Variants in TRIM37 observed in about 807,000 individuals in gnomAD.
TRIM37 encodes the protein tripartite motif containing 37.
Under a neutral mutation model 129.8 loss-of-function variants are expected in TRIM37, and 80 were observed. That is an observed-to-expected ratio of 0.62 (90% CI 0.51 to 0.74). The LOEUF is 0.74. Ranked by LOEUF, TRIM37 falls within the 30% of genes least tolerant of loss-of-function variation. The pLI is 0.00. For missense variants in TRIM37, 1,054 were observed against 1,176.5 expected (o/e 0.90, Z 1.52); for synonymous variants, 389 against 387.1 (o/e 1.00, Z -0.06).
At chr17:58,972,316 T>G in the TRIM37 span, 1 of 1,561,344 alleles carries the variant, frequency 6.4e-7, no homozygotes, top group East Asian at 2.3e-5. Context: ...GCTCTAGTTA[T>G]TAGTTTAGAT....
the TRIM37 span, among the ~76,000 whole-genome samples, chr17:58,967,736 C>T: frequency 1.8e-4 from 27 of 150,258 alleles, no homozygotes; most frequent in African/African-American, 5.9e-4. Flanking sequence ...GGTGCTATTT[C>T]GAGTTGTTTA....
downstream of TRIM37, among the ~76,000 whole-genome samples, chr17:58,997,290 G>A (rs537608397): frequency 2.6e-5 from 4 of 152,172 alleles, no homozygotes; most frequent in East Asian, 5.8e-4. Flanking sequence ...TTGCAAACCT[G>A]AAATTATCTC....
chr17:58,993,572 A>C (rs2032666948), downstream of TRIM37, among the ~76,000 whole-genome samples: 1 of 152,234 alleles, frequency 6.6e-6, no homozygotes. Flanking sequence ...AAAAGCAAAA[A>C]CTAAAAGGGC....
chr17:59,101,711 C>T (rs1055336464), intron 2 of TRIM37, among the ~76,000 whole-genome samples: 33 of 138,532 alleles, frequency 2.4e-4, no homozygotes, highest in Middle Eastern at 3.9e-3. Context: ...CACACACACA[C>T]ACACACACAC....
downstream of TRIM37, among the ~76,000 whole-genome samples, chr17:58,994,514 G>C (rs1242670231): frequency 6.6e-6 from 1 of 152,118 alleles, no homozygotes; most frequent in Non-Finnish European, 1.5e-5. Flanking sequence ...TTGAGCCTAA[G>C]ACTTCATAGC....
chr17:59,016,793 A>G (rs776558571), intron 20 of TRIM37, among the ~76,000 whole-genome samples: 1 of 151,974 alleles, frequency 6.6e-6, no homozygotes. Context: ...CAGGAAAACA[A>G]CAAAAATAAA....
intron 17 of TRIM37, among the ~76,000 whole-genome samples, chr17:59,036,757 C>T (rs2038563768): frequency 2.0e-5 from 3 of 152,006 alleles, no homozygotes; most frequent in Non-Finnish European, 4.4e-5. Flanking sequence ...CCCTTTTTAA[C>T]GCATAACTTA....
chr17:59,042,440 AAAAAAAAAAATATATATATAT>A lies in TRIM37; in HGVS notation c.1668-563_1668-543del, dbSNP rs1166210553. On this transcript the variant is annotated intron_variant, in intron 16 of 23. Coordinates refer to ENST00000262294, the MANE Select transcript of TRIM37 (RefSeq NM_015294.6). ...AAGAAAAAAAGGAATTTAAAAAAAAAAAAAAAAAAATATATATATATATATATATATATATCTCAAGGCCGG... is the reference window on the plus strand; with the variant it reads ...AAGAAAAAAAGGAATTTAAAAAAAAAATATATATATATATCTCAAGGCCGG... Among the ~76,000 whole-genome samples, 55 of 65,428 alleles carry A rather than the reference AAAAAAAAAAATATATATATAT, an allele frequency of 8.4e-4. 2 individuals are homozygous for A. Among genetic ancestry groups the A allele is most frequent in the African/African-American group, 3.3e-3 (55 of 16,920 alleles). The allele number at this position is 65,428 out of a possible 152,430, so 42.9% of individuals were successfully genotyped here. A position where few individuals can be genotyped will look rare whatever the true frequency, so the allele number is the denominator to read the frequency against.
At chr17:59,015,120 GTA>G (rs2035758587) in intron 21 of TRIM37, among the ~76,000 whole-genome samples, 1 of 134,066 alleles carries the variant, frequency 7.5e-6, no homozygotes, top group African/African-American at 2.8e-5. Flanking sequence ...AAAAAAAAAA[GTA>G]AAATCTCTGA....
downstream of TRIM37, among the ~76,000 whole-genome samples, chr17:58,978,493 C>T (rs1021905980): frequency 2.6e-5 from 4 of 152,048 alleles, no homozygotes; most frequent in African/African-American, 9.7e-5. Context: ...GGCAGATTAT[C>T]AGAGGTCAGG....
chr17:59,005,983 T>G (rs2034435512), intron 22 of TRIM37, among the ~76,000 whole-genome samples: 1 of 152,212 alleles, frequency 6.6e-6, no homozygotes, highest in Admixed American at 6.5e-5. Context: ...CAGTTTTTAC[T>G]TTCAACTTGC....
intron 21 of TRIM37, 98 bp from the exon 22 acceptor site, chr17:59,012,544 C>T (rs1430604646): frequency 9.7e-6 from 8 of 827,098 alleles, no homozygotes; most frequent in South Asian, 2.8e-5. Context: ...AGGGTACGTG[C>T]TCTGGTGCTT....
intron 9 of TRIM37, among the ~76,000 whole-genome samples, chr17:59,069,470 T>C (rs915844149): frequency 2.0e-5 from 3 of 152,174 alleles, no homozygotes; most frequent in Admixed American, 6.5e-5. Context: ...CATATAAACA[T>C]TTTTATAACA....
chr17:58,999,972 T>C (rs2033474845), intron 23 of TRIM37, among the ~76,000 whole-genome samples: 1 of 152,200 alleles, frequency 6.6e-6, no homozygotes, highest in African/African-American at 2.4e-5. Flanking sequence ...TGGTTCTGTA[T>C]TGAAAAAGAT....
Position 59,051,264 on chromosome 17 carries a change from A to G in TRIM37, c.1264T>C (p.Leu422=), listed in dbSNP as rs74586224. Residue 422 remains leucine (L), a synonymous_variant, in exon 14 of 24, where the codon TTG becomes CTG. Coordinates refer to ENST00000262294, the MANE Select transcript of TRIM37 (RefSeq NM_015294.6). The part of the protein sequence containing the change: ...SRDQHWYITQ[L]EAAQTSYIQQ... ...ATATAACTAGTCTGTGCAGCTTCCA[A>G]CTGAGTAATGTACCAATGCTGGTCC... 0.014 allele frequency: 23,311 copies of G among 1,613,904 alleles called. 295 individuals are homozygous for G. The highest frequency in any genetic ancestry group is 0.055 in the Middle Eastern group (335 of 6,060).
chr17:59,042,445 AAAAAATATATAT>A (rs1568066054), intron 16 of TRIM37, among the ~76,000 whole-genome samples: 8 of 40,272 alleles, frequency 2.0e-4, no homozygotes, highest in East Asian at 1.5e-3. Flanking sequence ...AAAAAAAAAA[AAAAAATATATAT>A]ATATATATAT....
chr17:59,081,495 C>A (rs2043248763), intron 5 of TRIM37, among the ~76,000 whole-genome samples: 1 of 152,128 alleles, frequency 6.6e-6, no homozygotes, highest in Non-Finnish European at 1.5e-5. Context: ...TAACCACAGC[C>A]CAAATCATCT....
chr17:59,091,541 GTATAA>G (rs1395777758), intron 2 of TRIM37, among the ~76,000 whole-genome samples: 803 of 15,234 alleles, frequency 0.053, 42 homozygotes, highest in Admixed American at 0.29. Context: ...GTATAATAAT[GTATAA>G]TATATTATAC....
the TRIM37 span, among the ~76,000 whole-genome samples, chr17:58,973,709 T>C: frequency 6.6e-6 from 1 of 151,586 alleles, no homozygotes; most frequent in African/African-American, 2.4e-5. Context: ...TCCCAGCACT[T>C]TGGGAGGCTG....
Sources: gnomAD v4.1 joint callset for allele counts (sites outside exome capture counted in the v4.1 genomes callset) on GRCh38, gnomAD v4.1.1 for gene constraint, MANE v1.5 for transcripts, NCBI Gene and HGNC (gene_info 2026-07-23, HGNC 2026-07-21) for gene names.